The following CNGB3 variants were observed in gnomAD, a reference collection of about 807,000 sequenced individuals.
The protein encoded by CNGB3 is cyclic nucleotide gated channel subunit beta 3.
A neutral mutation model predicts 92.8 loss-of-function variants in CNGB3; 86 were observed. The observed-to-expected ratio is 0.93, with a 90% CI of 0.78 to 1.11. The LOEUF (loss-of-function observed/expected upper bound fraction) is 1.11, where lower values mean the gene tolerates loss of function less well. Ranked by LOEUF, CNGB3 falls within the 50% of genes least tolerant of loss-of-function variation. The pLI is 0.00. For synonymous variants in CNGB3, 333 were observed against 332.7 expected (o/e 1.00, Z -0.01); for missense variants, 1,026 against 956.8 (o/e 1.07, Z -0.95).
chr8:86,617,305 G>T (rs549287950), intron 13 of CNGB3, among the ~76,000 whole-genome samples: 1 of 152,278 alleles, frequency 6.6e-6, no homozygotes, highest in South Asian at 2.1e-4. Context: ...CTTTGAAACA[G>T]AACTTAAGAT....
intron 1 of CNGB3, 89 bp from the exon 2 acceptor site, chr8:86,739,825 G>A: frequency 1.4e-6 from 2 of 1,399,204 alleles, no homozygotes; most frequent in South Asian, 1.2e-5. Flanking sequence ...CCACTTAATT[G>A]TCAATCAGAT....
chr8:86,729,472 T>G (rs1309060457), intron 2 of CNGB3, among the ~76,000 whole-genome samples: 1 of 152,246 alleles, frequency 6.6e-6, no homozygotes, highest in East Asian at 1.9e-4. Flanking sequence ...AAATTGATCC[T>G]GCCTCTATTT....
chr8:86,675,910 A>G (rs1259876809), intron 3 of CNGB3, among the ~76,000 whole-genome samples: 2 of 152,210 alleles, frequency 1.3e-5, no homozygotes, highest in Non-Finnish European at 2.9e-5. Flanking sequence ...TTAGGATTAC[A>G]GAAGTTTTTA....
chr8:86,672,785 A>T (rs373889461), intron 3 of CNGB3, among the ~76,000 whole-genome samples: 2 of 152,170 alleles, frequency 1.3e-5, no homozygotes, highest in East Asian at 3.9e-4. Flanking sequence ...TTTCTCTCTT[A>T]CCTTCTTATT....
At chr8:86,695,856 C>T (rs1170429041) in intron 3 of CNGB3, among the ~76,000 whole-genome samples, 2 of 152,150 alleles carry the variant, frequency 1.3e-5, no homozygotes, top group Non-Finnish European at 2.9e-5. Context: ...ATTTGGTGCT[C>T]TCCCCCTTCT....
rs1822305002 is a variant in CNGB3 at position 86,601,723 on chromosome 8, G to A, written c.1781+2370C>T. Among the ~76,000 whole-genome samples, 3 of 152,138 alleles carry A rather than the reference G, an allele frequency of 2.0e-5. No homozygotes were observed. The South Asian group carries it at 6.2e-4, about 31-fold the overall frequency. On this transcript the variant is annotated intron_variant, in intron 15 of 17. Coordinates refer to ENST00000320005, the MANE Select transcript of CNGB3 (RefSeq NM_019098.5). ...AGCGGCATATGACAGCTGTGGGCCTGTGAAGCCTGTGGGTATCTGGAAAGA... is the reference window on the plus strand; with the variant it reads ...AGCGGCATATGACAGCTGTGGGCCTATGAAGCCTGTGGGTATCTGGAAAGA...
chr8:86,602,648 C>G (rs759209826), intron 15 of CNGB3, among the ~76,000 whole-genome samples: 59 of 152,138 alleles, frequency 3.9e-4, no homozygotes, highest in Non-Finnish European at 7.6e-4. Flanking sequence ...AACTGCCTGA[C>G]AGGGTACTCT....
chr8:86,721,466 C>G (rs1379705289), intron 3 of CNGB3, among the ~76,000 whole-genome samples: 3 of 152,024 alleles, frequency 2.0e-5, no homozygotes, highest in African/African-American at 7.2e-5. Context: ...GTACAGTGTT[C>G]TCTGCTCAGG....
chr8:86,610,613 A>G (rs1822499649), intron 14 of CNGB3, among the ~76,000 whole-genome samples: 1 of 152,144 alleles, frequency 6.6e-6, no homozygotes, highest in Non-Finnish European at 1.5e-5. Context: ...ATTATTTTGA[A>G]ATGATAAAAG....
At chr8:86,659,087 T>A in intron 6 of CNGB3, 1 of 775,968 alleles carries the variant, frequency 1.3e-6, no homozygotes, top group East Asian at 2.5e-5. Flanking sequence ...GGAGCAGGGG[T>A]TCAGCGATCT....
Position 86,643,883 on chromosome 8 carries a change from A to G in CNGB3, c.1056-10T>C. On this transcript the variant is annotated splice_polypyrimidine_tract_variant and intron_variant, in intron 9 of 17. Coordinates refer to ENST00000320005, the MANE Select transcript of CNGB3 (RefSeq NM_019098.5). ...AGTTGTTCGAATAACTCTGTCAGAGAGAATAGATGCAAAGTAAGATTCATG... is the reference window on the plus strand; with the variant it reads ...AGTTGTTCGAATAACTCTGTCAGAGGGAATAGATGCAAAGTAAGATTCATG... 6.2e-7 allele frequency: 1 copy of G among 1,603,348 alleles called. No individual in the cohort carries two copies. Among genetic ancestry groups the G allele is most frequent in the Non-Finnish European group, 8.5e-7 (1 of 1,172,774 alleles).
intron 3 of CNGB3, among the ~76,000 whole-genome samples, chr8:86,702,727 A>G (rs927459130): frequency 2.6e-5 from 4 of 152,120 alleles, no homozygotes; most frequent in East Asian, 1.9e-4. Context: ...ATGCTTGCAC[A>G]TTTACTTATA....
chr8:86,636,877 T>G (rs1291502739), intron 10 of CNGB3, among the ~76,000 whole-genome samples: 1 of 152,164 alleles, frequency 6.6e-6, no homozygotes, highest in Non-Finnish European at 1.5e-5. Flanking sequence ...CTTGTTTATT[T>G]TGCTAGGCAT....
intron 2 of CNGB3, among the ~76,000 whole-genome samples, chr8:86,727,965 A>G (rs1021545473): frequency 6.6e-5 from 10 of 152,188 alleles, no homozygotes; most frequent in Non-Finnish European, 1.5e-4. Flanking sequence ...CTTTTCAGGA[A>G]CAAGTTTCAG....
chr8:86,603,505 T>G (rs971516667), intron 15 of CNGB3, among the ~76,000 whole-genome samples: 4 of 152,188 alleles, frequency 2.6e-5, no homozygotes, highest in African/African-American at 9.6e-5. Context: ...GTAAAAATAA[T>G]TGATATTTAT....
In CNGB3 at chr8:86,739,635, T is replaced by A; in HGVS notation, c.211+20A>T. On this transcript the variant is annotated intron_variant, in intron 2 of 17. Coordinates refer to ENST00000320005, the MANE Select transcript of CNGB3 (RefSeq NM_019098.5). The stretch of plus-strand genomic sequence containing the variant: ...TCACTTTTTAGTTTTTTTTTTTTTT[T>A]TTTCAGACTGCATTCTGACCTTGTA... The A allele has an allele frequency of 6.2e-7, 1 of 1,606,586 alleles. No individual in the cohort carries two copies. The highest frequency in any genetic ancestry group is 8.5e-7 in the Non-Finnish European group (1 of 1,179,236).
chr8:86,644,809 A>G (rs1488850662), intron 8 of CNGB3, 123 bp from the exon 9 acceptor site: 5 of 663,080 alleles, frequency 7.5e-6, no homozygotes, highest in Non-Finnish European at 1.0e-5. Context: ...TTTTAAAAAA[A>G]CCAAGATCCT....
At chr8:86,669,958 C>T (rs1400194807) in intron 4 of CNGB3, among the ~76,000 whole-genome samples, 1 of 151,904 alleles carries the variant, frequency 6.6e-6, no homozygotes, top group Non-Finnish European at 1.5e-5. Flanking sequence ...TCAAGCGATT[C>T]CCCTGCCTCA....
At chr8:86,605,448 C>T (rs1341605412) in intron 14 of CNGB3, among the ~76,000 whole-genome samples, 1 of 152,054 alleles carries the variant, frequency 6.6e-6, no homozygotes, top group Non-Finnish European at 1.5e-5. Flanking sequence ...CCTTGATCAC[C>T]TTGAGCTATA....
Sources: gnomAD v4.1 joint callset for allele counts (sites outside exome capture counted in the v4.1 genomes callset) on GRCh38, gnomAD v4.1.1 for gene constraint, MANE v1.5 for transcripts, NCBI Gene and HGNC (gene_info 2026-07-23, HGNC 2026-07-21) for gene names.